Variants in WDR97 observed in about 807,000 individuals in gnomAD.
WDR97 encodes WD repeat domain 97.
In WDR97, 111 loss-of-function variants were observed where a neutral mutation model predicts 65.4. That is an observed-to-expected ratio of 1.70 (90% confidence interval 1.45 to 1.99). WDR97 has a LOEUF of 1.99. Among genes scored for constraint, WDR97 ranks in the 30% most tolerant of loss-of-function variants. The pLI is 0.00. For synonymous variants in WDR97, 802 were observed against 397.7 expected, an observed-to-expected ratio of 2.02 and a Z score of -12.10; for missense variants, 1,674 against 865.0, an observed-to-expected ratio of 1.94 and a Z score of -11.73.
rs1177211118 is a variant in WDR97 at position 144,111,754 on chromosome 8, C to T, written c.2610C>T (p.Leu870=). 4 of 689,684 alleles carry T rather than the reference C, an allele frequency of 5.8e-6. No individual in the cohort carries two copies. The highest frequency in any genetic ancestry group is 1.1e-5 in the Non-Finnish European group (4 of 376,592). The allele number at this position is 689,684 out of a possible 1,614,324, so 42.7% of individuals were successfully genotyped here. A position where few individuals can be genotyped will look rare whatever the true frequency, so the allele number is the denominator to read the frequency against. Residue 870 remains leucine, a synonymous_variant, in exon 12 of 24, where the codon CTC becomes CTT. Coordinates refer to ENST00000323662, the MANE Select transcript of WDR97 (RefSeq NM_001316309.2). ...GCCAGGAAGGCTTTGACAATTACCT[C>T]CGTCTGATCTACGGCTCTGGCCTGC... ...QQRQEGFDNY[L]RLIYGSGLLG...
At position 144,113,762 on chromosome 8, in the gene WDR97, G is replaced by C. The variant is rs942059368; in HGVS notation, c.3289G>C (p.Gly1097Arg). The C allele has an allele frequency of 5.7e-6, 4 of 702,504 alleles. No homozygotes were observed. The highest frequency in any genetic ancestry group is 1.5e-5 in the South Asian group (1 of 67,476). The allele number at this position is 702,504 out of a possible 1,614,324, so 43.5% of individuals were successfully genotyped here. A position where few individuals can be genotyped will look rare whatever the true frequency, so the allele number is the denominator to read the frequency against. Reference protein sequence around the residue: ...QWMGEKPGEEGEEDKKEEEEE... With the variant: ...QWMGEKPGEEREEDKKEEEEE... ...GATGGGGGAGAAGCCTGGGGAGGAG[G>C]GGGAGGAAGACAAGAAGGAAGAGGA... Residue 1097 changes from glycine (G) to arginine (R), a missense_variant, in exon 17 of 24, where the codon GGG becomes CGG. Gly to Arg is a moderately radical substitution (Grantham distance 125, BLOSUM62 -2). Transcript: ENST00000323662.
At position 144,114,272 on chromosome 8, in the gene WDR97, C is replaced by T. The variant is rs961240941; in HGVS notation, c.3595-6C>T. 2 of 700,026 alleles carry T rather than the reference C, an allele frequency of 2.9e-6. No individual in the cohort carries two copies. Among genetic ancestry groups the T allele is most frequent in the African/African-American group, 3.5e-5 (2 of 57,198 alleles). 43.4% of individuals were successfully genotyped at this position (700,026 alleles called of 1,614,324 possible). A position where few individuals can be genotyped will look rare whatever the true frequency, so the allele number is the denominator to read the frequency against. ...GGGAGCAGGGCCTCAGCATGCTACC[C>T]TGCAGGCATACCCGGAGGCGGGCAC... is the stretch of plus-strand genomic sequence containing the variant. On this transcript the variant is annotated splice_polypyrimidine_tract_variant and splice_region_variant and intron_variant, in intron 18 of 23. Transcript: ENST00000323662.
rs1167453510 is a variant in WDR97 at position 144,108,531 on chromosome 8, C to G, written c.465C>G (p.Thr155=). 1 of 700,836 alleles carries G rather than the reference C, an allele frequency of 1.4e-6. No individual in the cohort carries two copies. The highest frequency in any genetic ancestry group is 2.7e-5 in the East Asian group (1 of 37,262). 43.4% of individuals were successfully genotyped at this position (700,836 alleles called of 1,614,324 possible). A position where few individuals can be genotyped will look rare whatever the true frequency, so the allele number is the denominator to read the frequency against. Residue 155 remains threonine (T), a synonymous_variant, in exon 3 of 24, where the codon ACC becomes ACG. Coordinates refer to ENST00000323662, the MANE Select transcript of WDR97 (RefSeq NM_001316309.2). ...LAPVRLTGLV[T]VLGPLGAVGR... ...CTGTCCGGCTTACGGGGCTGGTGACCGTGCTGGGCCCGCTGGGTGCCGTGG... is the reference window on the plus strand; with the variant it reads ...CTGTCCGGCTTACGGGGCTGGTGACGGTGCTGGGCCCGCTGGGTGCCGTGG...
In WDR97 at chr8:144,111,729, G is replaced by A. The variant is rs973153072; in HGVS notation, c.2585G>A (p.Arg862His). ...AAQPPPSWQQ[R>H]QEGFDNYLRL... Reference sequence around the variant, plus strand: ...CAGCCCCCACCCTCCTGGCAGCAGCGCCAGGAAGGCTTTGACAATTACCTC... The same window carrying A: ...CAGCCCCCACCCTCCTGGCAGCAGCACCAGGAAGGCTTTGACAATTACCTC... Residue 862 changes from arginine (R) to histidine (H), a missense_variant, in exon 12 of 24, where the codon CGC becomes CAC. By Grantham distance (29) the Arg-to-His change is conservative. Coordinates refer to ENST00000323662, the MANE Select transcript of WDR97 (RefSeq NM_001316309.2). 11 of 694,852 alleles carry A rather than the reference G, an allele frequency of 1.6e-5. No individual in the cohort carries two copies. The highest frequency in any genetic ancestry group is 2.3e-4 in the Middle Eastern group (1 of 4,316). The allele number at this position is 694,852 out of a possible 1,614,324, so 43.0% of individuals were successfully genotyped here.
Position 144,115,384 on chromosome 8 carries a change from G to T in WDR97, c.4121G>T (p.Arg1374Leu). 3.3e-6 allele frequency: 2 copies of T among 612,710 alleles called. 1 individual carries two copies. The highest frequency in any genetic ancestry group is 3.7e-5 in the South Asian group (2 of 54,192). The allele number at this position is 612,710 out of a possible 1,614,324, so 38.0% of individuals were successfully genotyped here. The change falls in exon 22 of 24, where the codon CGC becomes CTC. Residue 1374 changes from arginine to leucine, a missense_variant. By Grantham distance (102) the Arg-to-Leu change is moderately radical (BLOSUM62 -2). Coordinates refer to ENST00000323662, the MANE Select transcript of WDR97 (RefSeq NM_001316309.2). ...TCAGTGGTCTCTGGGGCACCCACACGCGCCTCCGTGATACCCTCGGGCACC... is the reference window on the plus strand; with the variant it reads ...TCAGTGGTCTCTGGGGCACCCACACTCGCCTCCGTGATACCCTCGGGCACC... ...QTSVVSGAPTRASVIPSGTSW... is the reference protein window; with the variant it reads ...QTSVVSGAPTLASVIPSGTSW...
chr8:144,108,073 G>C lies in WDR97; in HGVS notation c.127G>C (p.Glu43Gln). The C allele has an allele frequency of 1.4e-6, 1 of 702,774 alleles. No individual in the cohort carries two copies. Among genetic ancestry groups the C allele is most frequent in the Non-Finnish European group, 2.6e-6 (1 of 385,006 alleles). 43.5% of individuals were successfully genotyped at this position (702,774 alleles called of 1,614,324 possible). A position where few individuals can be genotyped will look rare whatever the true frequency, so the allele number is the denominator to read the frequency against. Reference protein sequence around the residue: ...LTEKNELTFTEPSQVLPFLTS... With the variant: ...LTEKNELTFTQPSQVLPFLTS... ...CCTGCCCGCAGAGTTGACTTTCACG[G>C]AGCCGTCGCAGGTCCTGCCCTTTTT... Residue 43 changes from glutamate to glutamine, a missense_variant, in exon 2 of 24, where the codon GAG becomes CAG. Coordinates refer to ENST00000323662, the MANE Select transcript of WDR97 (RefSeq NM_001316309.2).
rs1836666853 is a variant in WDR97, at chr8:144,116,300, TG to T, written c.*9del. ...CCCTGACACCTACAGCTGACCGGAC[TG>T]GTGGCCTCAGCCCGCCTGGCTCTGG... On this transcript the variant is annotated 3_prime_UTR_variant, in exon 24 of 24. Transcript: ENST00000323662. 5.0e-6 allele frequency: 3 copies of T among 604,314 alleles called. No homozygotes were observed. In the African/African-American group the frequency reaches 5.7e-5, roughly 11 times the overall value. 37.4% of individuals were successfully genotyped at this position (604,314 alleles called of 1,614,324 possible).
In WDR97 at chr8:144,110,704, C is replaced by A. The variant is rs767634566; in HGVS notation, c.2136C>A (p.Thr712=). The change falls in exon 8 of 24, where the codon ACC becomes ACA. Residue 712 remains threonine (T), a synonymous_variant. Transcript: ENST00000323662. ...ATGCCTGCTCCAGCCTGGACTGCACCGTTCGCATCTGGACTGCTGAGAACC... is the reference window on the plus strand; with the variant it reads ...ATGCCTGCTCCAGCCTGGACTGCACAGTTCGCATCTGGACTGCTGAGAACC... ...KLYACSSLDC[T]VRIWTAENRL... The A allele has an allele frequency of 2.0e-5, 14 of 701,422 alleles. No homozygotes were observed. The highest frequency in any genetic ancestry group is 1.0e-4 in the Admixed American group (5 of 49,998). 43.4% of individuals were successfully genotyped at this position (701,422 alleles called of 1,614,324 possible). A position where few individuals can be genotyped will look rare whatever the true frequency, so the allele number is the denominator to read the frequency against.
Position 144,107,882 on chromosome 8 carries a change from CCCT to C in WDR97, c.112+23_112+25del. 1 of 702,838 alleles carries C rather than the reference CCCT, an allele frequency of 1.4e-6. No homozygotes were observed. Among genetic ancestry groups the C allele is most frequent in the South Asian group, 1.5e-5 (1 of 67,610 alleles). The allele number at this position is 702,838 out of a possible 1,614,324, so 43.5% of individuals were successfully genotyped here. ...AGAATGGTGAGGGGGCCTGGCCTCG[CCCT>C]CCGGGCATCCCGCTAGGAAGTGGGT... On this transcript the variant is annotated intron_variant, in intron 1 of 23. Transcript: ENST00000323662.
rs1264688033 is a variant in WDR97 at position 144,115,681 on chromosome 8, G to A, written c.4418G>A (p.Trp1473Ter). The A allele has an allele frequency of 2.9e-6, 2 of 699,810 alleles. No individual in the cohort carries two copies. The highest frequency in any genetic ancestry group is 5.2e-6 in the Non-Finnish European group (2 of 383,582). The allele number at this position is 699,810 out of a possible 1,614,324, so 43.4% of individuals were successfully genotyped here. A position where few individuals can be genotyped will look rare whatever the true frequency, so the allele number is the denominator to read the frequency against. ...GEPPPLEETD[W>*]SHSQLLDLGP... Reference sequence around the variant, plus strand: ...CCGCCGCCGCTGGAGGAGACCGACTGGTCGCACTCGCAGCTGCTGGACTTG... The same window carrying A: ...CCGCCGCCGCTGGAGGAGACCGACTAGTCGCACTCGCAGCTGCTGGACTTG... The change falls in exon 22 of 24, where the codon TGG (tryptophan) becomes TAG (stop). Residue 1473 changes from tryptophan (W) to a stop codon, truncating the protein, a stop_gained. Coordinates refer to ENST00000323662, the MANE Select transcript of WDR97 (RefSeq NM_001316309.2). LOFTEE classifies it high-confidence loss of function.
At chr8:144,107,898 C>A (rs1190904393) in intron 1 of WDR97, 36 bp downstream of exon 1, 1 of 702,652 alleles carries the variant, frequency 1.4e-6, no homozygotes, top group African/African-American at 1.7e-5. Flanking sequence ...GGGCATCCCG[C>A]TAGGAAGTGG....
At chr8:144,114,511 G>A (rs763455711) in intron 19 of WDR97, 36 bp downstream of exon 19, 27 of 696,566 alleles carry the variant, frequency 3.9e-5, no homozygotes, top group Non-Finnish European at 5.5e-5. Context: ...TTTCCTCCCC[G>A]CCCACCGGCC....
In WDR97 at chr8:144,108,402, G is replaced by T. The variant is rs895624995; in HGVS notation, c.336G>T (p.Ser112=). 2.6e-5 allele frequency: 18 copies of T among 698,284 alleles called. No homozygotes were observed. In the African/African-American group the frequency reaches 2.6e-4, roughly 10 times the overall value. The allele number at this position is 698,284 out of a possible 1,614,324, so 43.3% of individuals were successfully genotyped here. A position where few individuals can be genotyped will look rare whatever the true frequency, so the allele number is the denominator to read the frequency against. Residue 112 remains serine (S), a synonymous_variant, in exon 3 of 24, where the codon TCG becomes TCT. Coordinates refer to ENST00000323662, the MANE Select transcript of WDR97 (RefSeq NM_001316309.2). Reference sequence around the variant, plus strand: ...TGGAGGTGGCAGCCGGGCTGCGCTCGGTGGCGCAGGACCCGGTGGGTGGAC... The same window carrying T: ...TGGAGGTGGCAGCCGGGCTGCGCTCTGTGGCGCAGGACCCGGTGGGTGGAC... ...RRLEVAAGLR[S]VAQDPVGGRF...
Position 144,107,962 on chromosome 8 carries a change from C to A in WDR97, c.113-97C>A, listed in dbSNP as rs1836451176. ...TGGAACAAAACTCCCCTGGGCAGTC[C>A]CTGGTAGGGCAGGGCCCCTGGAGGA... On this transcript the variant is annotated intron_variant, in intron 1 of 23. Transcript: ENST00000323662. 4.3e-6 allele frequency: 3 copies of A among 701,166 alleles called. No individual in the cohort carries two copies. In the East Asian group the frequency reaches 8.1e-5, roughly 19 times the overall value. 43.4% of individuals were successfully genotyped at this position (701,166 alleles called of 1,614,324 possible).
In WDR97 at chr8:144,108,781, C is replaced by T. The variant is rs548418296; in HGVS notation, c.715C>T (p.Leu239=). The change falls in exon 3 of 24, where the codon CTG becomes TTG. Residue 239 remains leucine, a synonymous_variant. Transcript: ENST00000323662. ...CCGCCTGGTGCTGCGAGGGTCAGCA[C>T]TGCACCCGCCCCCGAGCCCAACAGG... The part of the protein sequence containing the change: ...GRRLVLRGSA[L]HPPPSPTGRL... The T allele has an allele frequency of 2.1e-4, 150 of 702,480 alleles. No individual in the cohort carries two copies. The African/African-American group carries it at 2.3e-3, about 11-fold the overall frequency. 43.5% of individuals were successfully genotyped at this position (702,480 alleles called of 1,614,324 possible).
Position 144,113,492 on chromosome 8 carries a change from T to G in WDR97, c.3158T>G (p.Leu1053Arg). Residue 1053 changes from leucine to arginine, a missense_variant, in exon 16 of 24, where the codon CTA becomes CGA. Leu to Arg is a moderately radical substitution (Grantham distance 102). Transcript: ENST00000323662. The stretch of plus-strand genomic sequence containing the variant: ...GGCTATGTGCCCAACTCCGCGGTGC[T>G]ACAGCAGATGTGGCTAAATGCGGAG... ...FPGYVPNSAV[L>R]QQMWLNAEPG... is the part of the protein sequence containing the mutation. 1 of 701,480 alleles carries G rather than the reference T, an allele frequency of 1.4e-6. No individual in the cohort carries two copies. Among genetic ancestry groups the G allele is most frequent in the South Asian group, 1.5e-5 (1 of 67,590 alleles). 43.5% of individuals were successfully genotyped at this position (701,480 alleles called of 1,614,324 possible). A position where few individuals can be genotyped will look rare whatever the true frequency, so the allele number is the denominator to read the frequency against.
At position 144,114,749 on chromosome 8, in the gene WDR97, G is replaced by GC; in HGVS notation, c.3917dup (p.Glu1307ArgfsTer186). The GC allele has an allele frequency of 1.4e-6, 1 of 701,814 alleles. No individual in the cohort carries two copies. Among genetic ancestry groups the GC allele is most frequent in the East Asian group, 2.7e-5 (1 of 37,278 alleles). 43.5% of individuals were successfully genotyped at this position (701,814 alleles called of 1,614,324 possible). A position where few individuals can be genotyped will look rare whatever the true frequency, so the allele number is the denominator to read the frequency against. ...GACAAGCCACATGCACCTGTCCCAGGCCAGAGCTCAAGAAGCTGCTGCACG... is the reference window on the plus strand; with the variant it reads ...GACAAGCCACATGCACCTGTCCCAGGCCCAGAGCTCAAGAAGCTGCTGCACG... On this transcript the variant is annotated frameshift_variant and splice_region_variant, in exon 21 of 24. Coordinates refer to ENST00000323662, the MANE Select transcript of WDR97 (RefSeq NM_001316309.2). LOFTEE classifies it high-confidence loss of function.
At position 144,117,564 on chromosome 8, in the gene WDR97, A is replaced by C. The variant is rs751174608; in HGVS notation, c.*1271A>C. Reference sequence around the variant, plus strand: ...GAGGGACCCCACATGACTTACAATCAGACAAGGTAGGTCAGAGGATTTCTT... The same window carrying C: ...GAGGGACCCCACATGACTTACAATCCGACAAGGTAGGTCAGAGGATTTCTT... On this transcript the variant is annotated 3_prime_UTR_variant, in exon 24 of 24. Coordinates refer to ENST00000323662, the MANE Select transcript of WDR97 (RefSeq NM_001316309.2). The C allele has an allele frequency of 6.6e-6, 1 of 152,304 alleles. No homozygotes were observed. Among genetic ancestry groups the C allele is most frequent in the Non-Finnish European group, 1.5e-5 (1 of 68,338 alleles). 9.4% of individuals were successfully genotyped at this position (152,304 alleles called of 1,614,324 possible). A position where few individuals can be genotyped will look rare whatever the true frequency, so the allele number is the denominator to read the frequency against.
At position 144,108,462 on chromosome 8, in the gene WDR97, C is replaced by T. The variant is rs778404012; in HGVS notation, c.396C>T (p.His132=). The T allele has an allele frequency of 2.6e-4, 181 of 700,214 alleles. 1 individual carries two copies. The highest frequency in any genetic ancestry group is 2.2e-3 in the African/African-American group (127 of 57,324). 43.4% of individuals were successfully genotyped at this position (700,214 alleles called of 1,614,324 possible). ...FVVLDGAGRL[H]LHKEDGWAQE... The stretch of plus-strand genomic sequence containing the variant: ...TGCTGGACGGCGCGGGCCGCCTGCA[C>T]CTGCACAAGGAAGACGGCTGGGCAC... Residue 132 remains histidine (H), a synonymous_variant, in exon 3 of 24, where the codon CAC becomes CAT. Coordinates refer to ENST00000323662, the MANE Select transcript of WDR97 (RefSeq NM_001316309.2).
Sources: allele counts gnomAD v4.1 joint callset, GRCh38; gene constraint gnomAD v4.1.1; transcripts MANE v1.5; gene names NCBI Gene and HGNC (gene_info 2026-07-23, HGNC 2026-07-21).